Variants in BBS9 observed in about 807,000 individuals in gnomAD.
BBS9 encodes the protein protein PTHB1.
Under a neutral mutation model 117.7 loss-of-function variants are expected in BBS9, and 89 were observed. That is an observed-to-expected ratio of 0.76 (90% CI 0.64 to 0.90). BBS9 has a LOEUF of 0.90. Ranked by LOEUF, BBS9 falls within the 40% of genes least tolerant of loss-of-function variation. The pLI is 0.00. For synonymous variants in BBS9, 379 were observed against 370.9 expected (o/e 1.02, Z -0.25); for missense variants, 982 against 1,042.2 (o/e 0.94, Z 0.80).
chr7:33,334,617 GTACTCTGGGGTTGCTTTTCA>G (rs1407664290), intron 9 of BBS9, among the ~76,000 whole-genome samples: 1 of 152,086 alleles, frequency 6.6e-6, no homozygotes, highest in Non-Finnish European at 1.5e-5. Context: ...AAACCCAAAG[GTACTCTGGGGTTGCTTTTCA>G]TACTTTAAGA....
intron 20 of BBS9, among the ~76,000 whole-genome samples, chr7:33,514,601 A>G (rs1273383781): frequency 6.6e-6 from 1 of 152,180 alleles, no homozygotes; most frequent in Non-Finnish European, 1.5e-5. Context: ...TAAATGATTT[A>G]CTGTAACATA....
At chr7:33,503,586 A>G (rs1845748549) in intron 19 of BBS9, among the ~76,000 whole-genome samples, 1 of 152,264 alleles carries the variant, frequency 6.6e-6, no homozygotes, top group African/African-American at 2.4e-5. Context: ...ATCTGTCACC[A>G]TTGAATTCCC....
intron 21 of BBS9, among the ~76,000 whole-genome samples, chr7:33,602,838 A>C (rs555836980): frequency 6.6e-6 from 1 of 152,294 alleles, no homozygotes; most frequent in South Asian, 2.1e-4. Flanking sequence ...ATCTGTGTCC[A>C]CTACAGCACC....
intron 19 of BBS9, among the ~76,000 whole-genome samples, chr7:33,454,578 G>A (rs550019215): frequency 6.6e-6 from 1 of 152,370 alleles, no homozygotes; most frequent in South Asian, 2.1e-4. Flanking sequence ...TTCCTTAACA[G>A]GTCACTGCCA....
At position 33,537,989 on chromosome 7, in the gene BBS9, C is replaced by T. The variant is rs1032076524; in HGVS notation, c.2521+3813C>T. ...CCTAAGAAATAATATAGATAAGTGA[C>T]GGCCCATCAGATAGAAGCTTGGAGA... On this transcript the variant is annotated intron_variant, in intron 21 of 22. Coordinates refer to ENST00000242067, the MANE Select transcript of BBS9 (RefSeq NM_198428.3). Among the ~76,000 whole-genome samples, 12 of 152,256 alleles carry T rather than the reference C, an allele frequency of 7.9e-5. No homozygotes were observed. In the South Asian group the frequency reaches 1.0e-3, roughly 13 times the overall value.
chr7:33,635,745 G>A (rs542593973), downstream of BBS9, among the ~76,000 whole-genome samples: 19 of 152,288 alleles, frequency 1.2e-4, no homozygotes, highest in African/African-American at 4.3e-4. Flanking sequence ...GAAATAAGTA[G>A]GAAATTAAAT....
intron 21 of BBS9, among the ~76,000 whole-genome samples, chr7:33,574,725 A>ACACACACACACG (rs1251263949): frequency 2.3e-4 from 29 of 125,910 alleles, no homozygotes; most frequent in Middle Eastern, 3.9e-3. Flanking sequence ...ACACACACAC[A>ACACACACACACG]CGCGCACACA....
chr7:33,631,382 C>T (rs1480145121), intron 21 of BBS9, among the ~76,000 whole-genome samples: 1 of 152,168 alleles, frequency 6.6e-6, no homozygotes, highest in Non-Finnish European at 1.5e-5. Context: ...TCTAGTGTCC[C>T]CTTCTCTGGA....
At chr7:33,363,855 T>A (rs2128702997) in intron 16 of BBS9, among the ~76,000 whole-genome samples, 1 of 152,096 alleles carries the variant, frequency 6.6e-6, no homozygotes, top group East Asian at 1.9e-4. Context: ...CATTGATTAA[T>A]TTTTAATGTT....
At chr7:33,439,052 C>A (rs1169909537) in intron 19 of BBS9, among the ~76,000 whole-genome samples, 2 of 152,152 alleles carry the variant, frequency 1.3e-5, no homozygotes, top group Non-Finnish European at 2.9e-5. Context: ...TACAAACAGC[C>A]AAAAATGCCT....
At chr7:33,174,424 C>T (rs1404611100) in intron 4 of BBS9, among the ~76,000 whole-genome samples, 1 of 152,216 alleles carries the variant, frequency 6.6e-6, no homozygotes, top group Admixed American at 6.5e-5. Flanking sequence ...TGGGCAGCCT[C>T]TTGAGCCAGA....
At chr7:33,326,207 T>C (rs1261921483) in intron 9 of BBS9, among the ~76,000 whole-genome samples, 1 of 151,916 alleles carries the variant, frequency 6.6e-6, no homozygotes, top group East Asian at 1.9e-4. Flanking sequence ...CACAAGACAA[T>C]GTCCTTCCTA....
At chr7:33,351,399 A>G in intron 14 of BBS9, 76 bp downstream of exon 14, 10 of 941,096 alleles carry the variant, frequency 1.1e-5, no homozygotes, top group Non-Finnish European at 1.8e-5. Flanking sequence ...AAGATGAGAA[A>G]ACATACTGTG....
chr7:33,255,213 A>G (rs1447929311), intron 5 of BBS9, among the ~76,000 whole-genome samples: 1 of 152,158 alleles, frequency 6.6e-6, no homozygotes, highest in African/African-American at 2.4e-5. Flanking sequence ...TATCCAAAAA[A>G]TCATTGCCAA....
chr7:33,253,478 G>T (rs557457167), intron 5 of BBS9, among the ~76,000 whole-genome samples: 34 of 152,258 alleles, frequency 2.2e-4, no homozygotes, highest in African/African-American at 7.0e-4. Context: ...GCCAGGGGTG[G>T]TGGCGAGCTT....
intron 12 of BBS9, among the ~76,000 whole-genome samples, chr7:33,346,926 C>T (rs554978485): frequency 5.9e-5 from 9 of 152,298 alleles, no homozygotes; most frequent in African/African-American, 1.9e-4. Context: ...GATGGCTTTG[C>T]ACAGGTTATT....
intron 21 of BBS9, among the ~76,000 whole-genome samples, chr7:33,582,165 G>A (rs1266126531): frequency 6.6e-6 from 1 of 152,054 alleles, no homozygotes; most frequent in Non-Finnish European, 1.5e-5. Context: ...ATCTCAGTCA[G>A]GGCACTGGGT....
chr7:33,537,289 T>C (rs1851597593), intron 21 of BBS9, among the ~76,000 whole-genome samples: 1 of 152,206 alleles, frequency 6.6e-6, no homozygotes, highest in African/African-American at 2.4e-5. Context: ...CTTTTTTTGC[T>C]CTAGCGAAGG....
chr7:33,138,844 C>T (rs755694018), intron 1 of BBS9, among the ~76,000 whole-genome samples: 20 of 151,040 alleles, frequency 1.3e-4, no homozygotes, highest in Non-Finnish European at 5.9e-5. Flanking sequence ...CTGCCTTGGC[C>T]TCTCAAAGTG....
Sources: gnomAD v4.1 joint callset for allele counts (sites outside exome capture counted in the v4.1 genomes callset) on GRCh38, gnomAD v4.1.1 for gene constraint, MANE v1.5 for transcripts, NCBI Gene and HGNC (gene_info 2026-07-23, HGNC 2026-07-21) for gene names.